PPP1R13L: variants seen among roughly 807,000 people sequenced by gnomAD.
PPP1R13L encodes relA-associated inhibitor.
PPP1R13L carries 50 observed loss-of-function variants against 80.9 expected under a neutral mutation model. The observed-to-expected ratio is 0.62, with a 90% CI of 0.49 to 0.78. The LOEUF (loss-of-function observed/expected upper bound fraction) is 0.78, where lower values mean the gene tolerates loss of function less well. Among genes scored for constraint, PPP1R13L ranks in the 30% least tolerant of loss-of-function variants. The pLI, the probability that PPP1R13L is intolerant of heterozygous loss-of-function variation, is 0.00. For missense variants in PPP1R13L, 1,200 were observed against 1,205.9 expected, an observed-to-expected ratio of 1.00 and a Z score of 0.07; for synonymous variants, 602 against 534.3, an observed-to-expected ratio of 1.13 and a Z score of -1.75.
chr19:45,399,257 T>C (rs1310519497), intron 1 of PPP1R13L, among the ~76,000 whole-genome samples: 3 of 150,786 alleles, frequency 2.0e-5, no homozygotes, highest in Non-Finnish European at 4.4e-5. Context: ...TTTTGTTTTT[T>C]AATAATAATT....
In PPP1R13L at chr19:45,398,377, G is replaced by T. The variant is rs1001051771; in HGVS notation, c.-21-38C>A. ...GAGGGAGGGAGCTGGCTAAGACCCC[G>T]CCCCTCTAGACCCCGCCCTCAGGGA... On this transcript the variant is annotated intron_variant, in intron 1 of 12. Transcript: ENST00000360957. 3.8e-5 allele frequency: 61 copies of T among 1,592,814 alleles called. No homozygotes were observed. The Admixed American group carries it at 1.0e-3, about 26-fold the overall frequency.
At chr19:45,383,106 T>C (rs1294372371) in intron 11 of PPP1R13L, among the ~76,000 whole-genome samples, 1 of 149,370 alleles carries the variant, frequency 6.7e-6, no homozygotes, top group Non-Finnish European at 1.5e-5. Flanking sequence ...ACCATTCTCC[T>C]GCCTCAGCCT....
At chr19:45,398,207 C>A in intron 2 of PPP1R13L, 57 bp downstream of exon 2, 1 of 1,613,004 alleles carries the variant, frequency 6.2e-7, no homozygotes, top group Non-Finnish European at 8.5e-7. Context: ...GCCTCAGCAC[C>A]CCTCGCCCGC....
intron 1 of PPP1R13L, among the ~76,000 whole-genome samples, chr19:45,402,330 C>T (rs909119287): frequency 6.6e-6 from 1 of 152,208 alleles, no homozygotes; most frequent in Non-Finnish European, 1.5e-5. Flanking sequence ...GGATCCTCCC[C>T]GGCTCGATCT....
chr19:45,388,352 A>G (rs1269210306), intron 8 of PPP1R13L, among the ~76,000 whole-genome samples: 1 of 152,062 alleles, frequency 6.6e-6, no homozygotes, highest in African/African-American at 2.4e-5. Context: ...TCAGCTGGGC[A>G]CAGTGGCTCA....
chr19:45,397,465 TC>T (rs1973130184), intron 3 of PPP1R13L, among the ~76,000 whole-genome samples: 1 of 112,950 alleles, frequency 8.9e-6, no homozygotes, highest in Non-Finnish European at 1.7e-5. Context: ...GCTTGCTTTC[TC>T]TCTCTCTCTT....
At chr19:45,391,157 C>A (rs1972964929) in intron 8 of PPP1R13L, among the ~76,000 whole-genome samples, 1 of 151,206 alleles carries the variant, frequency 6.6e-6, no homozygotes, top group African/African-American at 2.4e-5. Context: ...GAGGTCAAGC[C>A]ACTGCACTCC....
intron 11 of PPP1R13L, among the ~76,000 whole-genome samples, chr19:45,384,540 A>T (rs541636202): frequency 4.1e-4 from 60 of 147,978 alleles, no homozygotes; most frequent in Admixed American, 2.7e-3. Flanking sequence ...TCAAAAAATA[A>T]ATAAATAAAA....
At chr19:45,405,878 CTG>C (rs1973339343), upstream of PPP1R13L, among the ~76,000 whole-genome samples, 1 of 152,232 alleles carries the variant, frequency 6.6e-6, no homozygotes, top group Non-Finnish European at 1.5e-5. Context: ...TCCCCCAAAT[CTG>C]TGTCCACGTG....
In PPP1R13L at chr19:45,386,138, C is replaced by G. The variant is rs774027921; in HGVS notation, c.1858G>C (p.Ala620Pro). ...AGAGGGTTGAGGCGCGCGCGGCGGG[C>G]CTTGCGCGGGGAGCCCGCCTTCCGC... ...VLRKAGSPRK[A>P]RRARLNPLVL... Residue 620 changes from alanine (A) to proline (P), a missense_variant, in exon 9 of 13, where the codon GCC becomes CCC. Around this residue, in one of 5 missense-constraint regions of PPP1R13L, gnomAD observed 214 missense variants for 199.6 expected, o/e 1.07. Coordinates refer to ENST00000360957, the MANE Select transcript of PPP1R13L (RefSeq NM_006663.4). 6.5e-7 allele frequency: 1 copy of G among 1,542,570 alleles called. No individual in the cohort carries two copies. The highest frequency in any genetic ancestry group is 8.6e-7 in the Non-Finnish European group (1 of 1,157,406).
In PPP1R13L at chr19:45,395,548, G is replaced by C. The variant is rs778023487; in HGVS notation, c.1242C>G (p.Pro414=). ...PKLQPQPQPQ[P]QPQSQPQPQL... is the part of the protein sequence containing the mutation. Reference sequence around the variant, plus strand: ...GGGGCTGTGGTTGTGATTGTGGCTGGGGCTGTGGTTGTGGTTGGGGCTGCA... The same window carrying C: ...GGGGCTGTGGTTGTGATTGTGGCTGCGGCTGTGGTTGTGGTTGGGGCTGCA... The change falls in exon 7 of 13, where the codon CCC becomes CCG. Residue 414 remains proline, a synonymous_variant. Coordinates refer to ENST00000360957, the MANE Select transcript of PPP1R13L (RefSeq NM_006663.4). 24 of 1,491,132 alleles carry C rather than the reference G, an allele frequency of 1.6e-5. No individual in the cohort carries two copies. The highest frequency in any genetic ancestry group is 2.1e-5 in the Non-Finnish European group (23 of 1,121,010). The allele number at this position is 1,491,132 out of a possible 1,614,324, so 92.4% of individuals were successfully genotyped here. A position where few individuals can be genotyped will look rare whatever the true frequency, so the allele number is the denominator to read the frequency against.
At chr19:45,402,518 C>A (rs1281242955) in intron 1 of PPP1R13L, among the ~76,000 whole-genome samples, 1 of 152,226 alleles carries the variant, frequency 6.6e-6, no homozygotes, top group African/African-American at 2.4e-5. Context: ...CACGCCCGGA[C>A]CCCCGCCAGG....
In PPP1R13L at chr19:45,395,704, G is replaced by A. The variant is rs967094306; in HGVS notation, c.1086C>T (p.Arg362=). 2.6e-5 allele frequency: 38 copies of A among 1,445,102 alleles called. No homozygotes were observed. Among genetic ancestry groups the A allele is most frequent in the Non-Finnish European group, 3.0e-5 (33 of 1,107,662 alleles). The allele number at this position is 1,445,102 out of a possible 1,614,324, so 89.5% of individuals were successfully genotyped here. ...IPMPPSSPQP[R]GAPRQRPIPL... is the part of the protein sequence containing the mutation. ...GGATGGGACGCTGGCGCGGGGCCCC[G>A]CGGGGCTGGGGGCTGGAGGGGGGCA... Residue 362 remains arginine, a synonymous_variant, in exon 7 of 13, where the codon CGC becomes CGT. Coordinates refer to ENST00000360957, the MANE Select transcript of PPP1R13L (RefSeq NM_006663.4).
Position 45,395,674 on chromosome 19 carries a change from G to A in PPP1R13L, c.1116C>T (p.Leu372=). 1 of 1,462,766 alleles carries A rather than the reference G, an allele frequency of 6.8e-7. No individual in the cohort carries two copies. The highest frequency in any genetic ancestry group is 2.7e-5 in the Admixed American group (1 of 37,512). 90.6% of individuals were successfully genotyped at this position (1,462,766 alleles called of 1,614,324 possible). Residue 372 remains leucine (L), a synonymous_variant, in exon 7 of 13, where the codon CTC becomes CTT. Coordinates refer to ENST00000360957, the MANE Select transcript of PPP1R13L (RefSeq NM_006663.4). ...RGAPRQRPIP[L]SMIFKLQNAF... Reference sequence around the variant, plus strand: ...CGTTCTGCAGCTTGAAGATCATGCTGAGGGGGATGGGACGCTGGCGCGGGG... The same window carrying A: ...CGTTCTGCAGCTTGAAGATCATGCTAAGGGGGATGGGACGCTGGCGCGGGG...
Position 45,396,372 on chromosome 19 carries a change from G to A in PPP1R13L, c.777C>T (p.Tyr259=), listed in dbSNP as rs1334967234. The stretch of plus-strand genomic sequence containing the variant: ...TCGCTGTCTGCGAAGGCTTCTTCTC[G>A]TACGCCACGTCCAGGTCAGACTCGT... ...AWNESDLDVA[Y]EKKPSQTASY... Residue 259 remains tyrosine, a synonymous_variant, in exon 5 of 13, where the codon TAC becomes TAT. Coordinates refer to ENST00000360957, the MANE Select transcript of PPP1R13L (RefSeq NM_006663.4). This position sits in a 1 kb window ranked among gnomAD's most constrained non-coding sequence, Gnocchi z 5.3. 8.1e-6 allele frequency: 13 copies of A among 1,614,142 alleles called. No individual in the cohort carries two copies. Among genetic ancestry groups the A allele is most frequent in the South Asian group, 2.2e-5 (2 of 91,086 alleles).
intron 8 of PPP1R13L, among the ~76,000 whole-genome samples, chr19:45,388,042 G>A (rs1005039180): frequency 2.0e-5 from 3 of 151,898 alleles, no homozygotes; most frequent in African/African-American, 4.8e-5. Flanking sequence ...GGTGGTGCAC[G>A]CCTGTAATCC....
chr19:45,397,506 C>CT (rs1555782668), intron 3 of PPP1R13L, among the ~76,000 whole-genome samples: 2 of 120,990 alleles, frequency 1.7e-5, no homozygotes, highest in Non-Finnish European at 3.2e-5. Context: ...TTCTTTCTTT[C>CT]TTTCTTTCTT....
In PPP1R13L at chr19:45,396,823, G is replaced by T; in HGVS notation, c.434C>A (p.Ala145Asp). 4.8e-6 allele frequency: 7 copies of T among 1,466,004 alleles called. No homozygotes were observed. The highest frequency in any genetic ancestry group is 5.4e-6 in the Non-Finnish European group (6 of 1,117,134). 90.8% of individuals were successfully genotyped at this position (1,466,004 alleles called of 1,614,324 possible). Residue 145 changes from alanine (A) to aspartate (D), a missense_variant, in exon 4 of 13, where the codon GCC becomes GAC. Ala to Asp is a moderately radical substitution (Grantham distance 126, BLOSUM62 -2). This residue lies in a region of PPP1R13L where 764 missense variants were observed against 714.5 expected (regional missense o/e 1.07). Coordinates refer to ENST00000360957, the MANE Select transcript of PPP1R13L (RefSeq NM_006663.4). The surrounding 1 kb of genome is among the most constrained non-coding windows in gnomAD (Gnocchi z 5.3). ...GAGGGAGCTGCCTGCGCCATCGAAG[G>T]CGCGGGGCCGGGGCGAGGTCGCGCG... ...LDRATSPRPRAFDGAGSSLGR... is the reference protein window; with the variant it reads ...LDRATSPRPRDFDGAGSSLGR...
At position 45,395,603 on chromosome 19, in the gene PPP1R13L, G is replaced by A. The variant is rs1973068055; in HGVS notation, c.1187C>T (p.Pro396Leu). ...GASRAMLPGSPLFTRAPPPKL... is the reference protein window; with the variant it reads ...GASRAMLPGSLLFTRAPPPKL... The stretch of plus-strand genomic sequence containing the variant: ...AGGCGGGGGTGCTCGGGTGAAGAGG[G>A]GGGACCCAGGGAGCATGGCGCGGCT... The change falls in exon 7 of 13, where the codon CCC becomes CTC. Residue 396 changes from proline (P) to leucine (L), a missense_variant. Pro to Leu is a moderately conservative substitution (Grantham distance 98). Coordinates refer to ENST00000360957, the MANE Select transcript of PPP1R13L (RefSeq NM_006663.4). 1.4e-6 allele frequency: 2 copies of A among 1,475,134 alleles called. No homozygotes were observed. The highest frequency in any genetic ancestry group is 2.4e-5 in the Admixed American group (1 of 42,104). 91.4% of individuals were successfully genotyped at this position (1,475,134 alleles called of 1,614,324 possible).
Sources: allele counts gnomAD v4.1 joint callset (sites outside exome capture counted in the v4.1 genomes callset), GRCh38; gene constraint gnomAD v4.1.1; regional missense constraint gnomAD v4.1.1; non-coding constraint Gnocchi (gnomAD v3.1); transcripts MANE v1.5; gene names NCBI Gene and HGNC (gene_info 2026-07-23, HGNC 2026-07-21).